TENM1: variants seen among roughly 807,000 people sequenced by gnomAD.
The protein encoded by TENM1 is teneurin transmembrane protein 1, also known as teneurin-1.
Under a neutral mutation model 174.8 loss-of-function variants are expected in TENM1, and 35 were observed. The ratio of observed to expected loss-of-function variants is 0.20; its 90% CI spans 0.15 to 0.27. The LOEUF (loss-of-function observed/expected upper bound fraction) is 0.27, where lower values mean the gene tolerates loss of function less well. Ranked by LOEUF, TENM1 falls within the 10% of genes least tolerant of loss-of-function variation. TENM1 has a pLI of 1.00. For synonymous variants in TENM1, 781 were observed against 798.7 expected (o/e 0.98, Z 0.37); for missense variants, 1,633 against 2,130.1 (o/e 0.77, Z 4.59).
chrX:125,175,495 T>C, the TENM1 span, among the ~76,000 whole-genome samples: 1 of 111,786 alleles, frequency 8.9e-6, no homozygotes, highest in African/African-American at 3.2e-5. Context: ...TACCAAATTA[T>C]TCGAGAACAC....
intron 3 of TENM1, among the ~76,000 whole-genome samples, chrX:124,827,090 G>C (rs982977772): frequency 9.0e-6 from 1 of 111,624 alleles, no homozygotes; most frequent in Non-Finnish European, 1.9e-5. Flanking sequence ...TTGCTCTGTT[G>C]CCCAGGCTGG....
At position 124,747,559 on chromosome X, in the gene TENM1, T is replaced by C. The variant is rs376305323; in HGVS notation, c.536-10362A>G. Reference sequence around the variant, plus strand: ...TGATGGCAAAAACCTCAATTACTTTTGCACCAACCTATCTCTTAAGCAATT... The same window carrying C: ...TGATGGCAAAAACCTCAATTACTTTCGCACCAACCTATCTCTTAAGCAATT... On this transcript the variant is annotated intron_variant, in intron 3 of 31. Coordinates refer to ENST00000422452, the Ensembl canonical transcript of TENM1. 2.9e-3 allele frequency among the ~76,000 whole-genome samples: 304 copies of C among 106,448 alleles called. 2 individuals carry two copies. Among genetic ancestry groups the C allele is most frequent in the African/African-American group, 8.3e-3 (245 of 29,440 alleles). 92.4% of individuals were successfully genotyped at this position (106,448 alleles called of 115,157 possible). A position where few individuals can be genotyped will look rare whatever the true frequency, so the allele number is the denominator to read the frequency against.
At chrX:124,503,242 A>C in intron 19 of TENM1, among the ~76,000 whole-genome samples, 1 of 111,186 alleles carries the variant, frequency 9.0e-6, no homozygotes, top group South Asian at 3.9e-4. Flanking sequence ...CCAGGGTAGC[A>C]AACTCAGTTT....
rs149836729 is a variant in TENM1 at position 124,593,312 on chromosome X, T to C, written c.2078-27752A>G. ...AATCCAGGTGAGTTGGTGCTCCAAA[T>C]GCCTGGAGATCTGCCTGGGCTTGGA... On this transcript the variant is annotated intron_variant, in intron 11 of 31. Coordinates refer to ENST00000422452, the Ensembl canonical transcript of TENM1. Among the ~76,000 whole-genome samples the C allele has an allele frequency of 5.7e-4, 63 of 111,433 alleles. No homozygotes were observed. The East Asian group carries it at 0.017, about 31-fold the overall frequency.
chrX:124,773,678 G>A (rs145762408), intron 3 of TENM1, among the ~76,000 whole-genome samples: 9 of 111,080 alleles, frequency 8.1e-5, no homozygotes, highest in Non-Finnish European at 1.7e-4. Context: ...TCATAAGGTA[G>A]GGTTTTGCAA....
the TENM1 span, among the ~76,000 whole-genome samples, chrX:125,143,772 T>C: frequency 8.9e-6 from 1 of 112,049 alleles, no homozygotes; most frequent in South Asian, 3.7e-4. Context: ...ATCTAAAATA[T>C]ACATTCCAGG....
chrX:124,587,242 G>A (rs1325527939), intron 11 of TENM1, among the ~76,000 whole-genome samples: 1 of 110,614 alleles, frequency 9.0e-6, no homozygotes, highest in Non-Finnish European at 1.9e-5. Context: ...TCAATCCTAA[G>A]CCAAATGAAC....
At chrX:124,711,202 T>TA (rs1293930870) in intron 4 of TENM1, among the ~76,000 whole-genome samples, 12 of 108,201 alleles carry the variant, frequency 1.1e-4, no homozygotes, top group East Asian at 2.9e-4. Context: ...ATAAAGAAAT[T>TA]AAAAAAAAAA....
intron 18 of TENM1, among the ~76,000 whole-genome samples, chrX:124,517,604 A>C (rs369107171): frequency 5.3e-5 from 5 of 94,294 alleles, no homozygotes; most frequent in Non-Finnish European, 1.0e-4. Flanking sequence ...ATAGGTGGGA[A>C]TTGAATAATG....
intron 23 of TENM1, among the ~76,000 whole-genome samples, chrX:124,433,197 T>A (rs2060799022): frequency 8.9e-6 from 1 of 112,174 alleles, no homozygotes; most frequent in Admixed American, 9.4e-5. Context: ...TAGGCTTTGG[T>A]CTTGACTGGA....
intron 11 of TENM1, among the ~76,000 whole-genome samples, chrX:124,566,473 C>A (rs1395223552): frequency 8.9e-6 from 1 of 111,945 alleles, no homozygotes; most frequent in Non-Finnish European, 1.9e-5. Flanking sequence ...TGGCAAGCCT[C>A]TTTCGTGATC....
the TENM1 span, among the ~76,000 whole-genome samples, chrX:125,030,973 TTTA>T: frequency 2.7e-5 from 3 of 111,413 alleles, no homozygotes; most frequent in Non-Finnish European, 5.6e-5. Context: ...TTTTTCTACT[TTTA>T]TTTTAGATTC....
exon 17 of TENM1, chrX:124,523,592 G>A: frequency 5.8e-6 from 7 of 1,211,563 alleles, no homozygotes; most frequent in Non-Finnish European, 7.8e-6. Context: ...AGATTAAGAT[G>A]ACAGAGATGC....
intron 3 of TENM1, among the ~76,000 whole-genome samples, chrX:124,798,165 T>A (rs1316015751): frequency 8.9e-6 from 1 of 112,061 alleles, no homozygotes; most frequent in African/African-American, 3.2e-5. Context: ...TGTGCATGTG[T>A]CTTTATAGTA....
At chrX:124,695,925 A>G (rs1310955586) in intron 5 of TENM1, among the ~76,000 whole-genome samples, 1 of 112,125 alleles carries the variant, frequency 8.9e-6, no homozygotes, top group Non-Finnish European at 1.9e-5. Context: ...TAATGGCAGA[A>G]TTTGTTCAGA....
Position 124,841,914 on chromosome X carries a change from G to A in TENM1, c.535+52382C>T, listed in dbSNP as rs138461993. On this transcript the variant is annotated intron_variant, in intron 3 of 31. Coordinates refer to ENST00000422452, the Ensembl canonical transcript of TENM1. ...ACTTTGTCTCTCATGCATAATCACC[G>A]TAGGTTGGCTTTTTTTGTGGTTTTT... Among the ~76,000 whole-genome samples the A allele has an allele frequency of 6.8e-3, 759 of 112,335 alleles. 13 individuals carry two copies. The highest frequency in any genetic ancestry group is 0.021 in the African/African-American group (664 of 30,999).
At chrX:124,605,703 A>T (rs1055654968) in intron 11 of TENM1, among the ~76,000 whole-genome samples, 1 of 111,528 alleles carries the variant, frequency 9.0e-6, no homozygotes, top group Non-Finnish European at 1.9e-5. Flanking sequence ...TGGGATATTT[A>T]CAGTAATACA....
chrX:124,795,731 G>A (rs1352563574), intron 3 of TENM1, among the ~76,000 whole-genome samples: 2 of 109,679 alleles, frequency 1.8e-5, no homozygotes, highest in Non-Finnish European at 3.8e-5. Flanking sequence ...AAATTTAGGC[G>A]GTGGTTTCTG....
chrX:124,751,158 CTG>C (rs2054056182), intron 3 of TENM1, among the ~76,000 whole-genome samples: 2 of 111,442 alleles, frequency 1.8e-5, no homozygotes, highest in African/African-American at 6.5e-5. Context: ...TTTATGTATG[CTG>C]TTTTTCTTCC....
Sources: gnomAD v4.1 joint callset for allele counts (sites outside exome capture counted in the v4.1 genomes callset) on GRCh38, gnomAD v4.1.1 for gene constraint, MANE v1.5 for transcripts, NCBI Gene and HGNC (gene_info 2026-07-23, HGNC 2026-07-21) for gene names.